Variants in CAMKMT observed in about 807,000 individuals in gnomAD.
CAMKMT encodes CaM KMT.
In CAMKMT, 53 loss-of-function variants were observed where a neutral mutation model predicts 48.0. That is an observed-to-expected ratio of 1.10 (90% CI 0.89 to 1.39). The LOEUF (loss-of-function observed/expected upper bound fraction) is 1.39. Among genes scored for constraint, CAMKMT ranks in the 40% most tolerant of loss-of-function variants. The pLI is 0.00. For missense variants in CAMKMT, 428 were observed against 402.7 expected, an observed-to-expected ratio of 1.06 and a Z score of -0.54; for synonymous variants, 165 against 152.3, an observed-to-expected ratio of 1.08 and a Z score of -0.61.
chr2:44,720,696 A>T (rs1329676125), intron 7 of CAMKMT, among the ~76,000 whole-genome samples: 1 of 152,188 alleles, frequency 6.6e-6, no homozygotes, highest in African/African-American at 2.4e-5. Context: ...GTGTGTCTAC[A>T]CAACAGATTT....
intron 3 of CAMKMT, among the ~76,000 whole-genome samples, chr2:44,601,896 A>G (rs532947363): frequency 1.3e-5 from 2 of 152,216 alleles, no homozygotes; most frequent in East Asian, 3.9e-4. Context: ...ATAGCTTAAC[A>G]TATGTCCTTT....
At chr2:44,568,703 G>A (rs1315215071) in intron 3 of CAMKMT, among the ~76,000 whole-genome samples, 1 of 152,124 alleles carries the variant, frequency 6.6e-6, no homozygotes, top group Non-Finnish European at 1.5e-5. Context: ...CATGGCAGGG[G>A]TTTTTGCCTT....
At chr2:44,567,314 A>G (rs773292904) in intron 3 of CAMKMT, among the ~76,000 whole-genome samples, 6 of 152,162 alleles carry the variant, frequency 3.9e-5, no homozygotes, top group Non-Finnish European at 8.8e-5. Flanking sequence ...TCAGTGGCGT[A>G]TTAAAATGCT....
At chr2:44,543,004 C>T (rs1235692268) in intron 3 of CAMKMT, among the ~76,000 whole-genome samples, 7 of 152,012 alleles carry the variant, frequency 4.6e-5, no homozygotes, top group African/African-American at 1.7e-4. Context: ...AATAGAGAAC[C>T]GAGTTTAAGT....
At chr2:44,493,329 T>A (rs1669603888) in intron 3 of CAMKMT, among the ~76,000 whole-genome samples, 2 of 152,218 alleles carry the variant, frequency 1.3e-5, no homozygotes, top group South Asian at 4.1e-4. Context: ...AATATCTGCC[T>A]ATATACTGTA....
chr2:44,722,056 T>C (rs1474678165), intron 7 of CAMKMT, among the ~76,000 whole-genome samples: 2 of 152,238 alleles, frequency 1.3e-5, no homozygotes, highest in African/African-American at 4.8e-5. Context: ...TTTAAGGTTA[T>C]TCATGTGTAG....
At chr2:44,673,471 G>GAGTA (rs1553435762) in intron 3 of CAMKMT, among the ~76,000 whole-genome samples, 1 of 116,844 alleles carries the variant, frequency 8.6e-6, no homozygotes, top group Non-Finnish European at 1.7e-5. Context: ...GAAAGAGAGA[G>GAGTA]AGGAAGGAAG....
rs930324099 is a variant in CAMKMT at position 44,362,153 on chromosome 2, A to G, written c.138+8A>G. The G allele has an allele frequency of 6.8e-7, 1 of 1,464,082 alleles. No homozygotes were observed. Among genetic ancestry groups the G allele is most frequent in the African/African-American group, 1.5e-5 (1 of 67,288 alleles). 90.7% of individuals were successfully genotyped at this position (1,464,082 alleles called of 1,614,324 possible). ...TGGAAGCTCCTGCGGCAGGTAAGGG[A>G]GAACCTGCTCGCCTCACCTTTGCCT... On this transcript the variant is annotated splice_region_variant and intron_variant, in intron 1 of 10. Coordinates refer to ENST00000378494, the MANE Select transcript of CAMKMT (RefSeq NM_024766.5).
At chr2:44,562,778 C>T (rs962729302) in intron 3 of CAMKMT, among the ~76,000 whole-genome samples, 1 of 152,166 alleles carries the variant, frequency 6.6e-6, no homozygotes, top group African/African-American at 2.4e-5. Context: ...CCAGGCTGGT[C>T]TCAAACTCCT....
At chr2:44,512,536 G>A (rs1370756746) in intron 3 of CAMKMT, among the ~76,000 whole-genome samples, 1 of 152,118 alleles carries the variant, frequency 6.6e-6, no homozygotes, top group Non-Finnish European at 1.5e-5. Flanking sequence ...TTAAAGAACA[G>A]TTTTTCCTAC....
At chr2:44,740,867 G>A (rs1679639671) in intron 7 of CAMKMT, among the ~76,000 whole-genome samples, 1 of 152,208 alleles carries the variant, frequency 6.6e-6, no homozygotes, top group African/African-American at 2.4e-5. Context: ...ATGGTGATAA[G>A]ATCAGTGTGG....
chr2:44,520,047 T>C (rs1207642240), intron 3 of CAMKMT, among the ~76,000 whole-genome samples: 1 of 105,288 alleles, frequency 9.5e-6, no homozygotes, highest in African/African-American at 3.4e-5. Flanking sequence ...CTGTCTCAAC[T>C]AAAAATACAA....
chr2:44,480,203 G>C (rs922500037), intron 3 of CAMKMT, among the ~76,000 whole-genome samples: 4 of 152,100 alleles, frequency 2.6e-5, no homozygotes, highest in African/African-American at 9.7e-5. Context: ...GTTTCTGTTA[G>C]GCGACACAGA....
chr2:44,473,547 C>T (rs558530677), intron 3 of CAMKMT, among the ~76,000 whole-genome samples: 87 of 152,170 alleles, frequency 5.7e-4, no homozygotes, highest in Admixed American at 1.2e-3. Context: ...GGTAAGTTAA[C>T]GAAGACAAAT....
intron 3 of CAMKMT, among the ~76,000 whole-genome samples, chr2:44,443,732 T>A (rs1386417975): frequency 6.6e-6 from 1 of 152,152 alleles, no homozygotes; most frequent in Admixed American, 6.6e-5. Context: ...TAAATTAGAC[T>A]ATGGGGTGTG....
intron 3 of CAMKMT, among the ~76,000 whole-genome samples, chr2:44,686,410 AAAC>A (rs901528165): frequency 2.6e-5 from 4 of 151,490 alleles, no homozygotes; most frequent in Admixed American, 2.0e-4. Flanking sequence ...AAAAAAAACA[AAAC>A]AAAAAACAAA....
At chr2:44,396,740 C>CT (rs1044680169) in intron 3 of CAMKMT, among the ~76,000 whole-genome samples, 34 of 146,386 alleles carry the variant, frequency 2.3e-4, no homozygotes, top group African/African-American at 5.8e-4. Flanking sequence ...GATTACCTTT[C>CT]TAAAAAAAAA....
intron 10 of CAMKMT, among the ~76,000 whole-genome samples, chr2:44,767,883 G>A (rs776934887): frequency 6.6e-6 from 1 of 152,186 alleles, no homozygotes; most frequent in Non-Finnish European, 1.5e-5. Context: ...TCAATGTCGT[G>A]CCATTCACTT....
intron 3 of CAMKMT, among the ~76,000 whole-genome samples, chr2:44,396,975 C>T (rs534332295): frequency 6.6e-6 from 1 of 151,314 alleles, no homozygotes; most frequent in African/African-American, 2.4e-5. Context: ...AGTAGAATCG[C>T]TTGAACCCAG....
Sources: gnomAD v4.1 joint callset for allele counts (sites outside exome capture counted in the v4.1 genomes callset) on GRCh38, gnomAD v4.1.1 for gene constraint, MANE v1.5 for transcripts, NCBI Gene and HGNC (gene_info 2026-07-23, HGNC 2026-07-21) for gene names.